The following ZNF565 variants were observed in gnomAD, a reference collection of about 807,000 sequenced individuals.
The protein encoded by ZNF565 is zinc finger protein 565.
ZNF565 carries 27 observed loss-of-function variants against 39.4 expected under a neutral mutation model. The observed-to-expected ratio is 0.69, with a 90% confidence interval of 0.51 to 0.95. The LOEUF (loss-of-function observed/expected upper bound fraction) is 0.95, where lower values mean the gene tolerates loss of function less well. ZNF565 is among the 40% of genes least tolerant of loss of function. The probability of loss-of-function intolerance (pLI) is 0.00; values close to 1 mark genes in which losing one functional copy is unlikely to be tolerated. For missense variants in ZNF565, 524 were observed against 621.1 expected, an observed-to-expected ratio of 0.84 and a Z score of 1.66; for synonymous variants, 185 against 216.6, an observed-to-expected ratio of 0.85 and a Z score of 1.28.
chr19:36,184,079 T>TAAAAAA lies in ZNF565; in HGVS notation c.233-352_233-347dup, dbSNP rs752744030. Among the ~76,000 whole-genome samples, 38 of 39,226 alleles carry TAAAAAA rather than the reference T, an allele frequency of 9.7e-4. 2 individuals are homozygous for TAAAAAA. Among genetic ancestry groups the TAAAAAA allele is most frequent in the Non-Finnish European group, 1.4e-3 (32 of 22,626 alleles). 25.7% of individuals were successfully genotyped at this position (39,226 alleles called of 152,430 possible). A position where few individuals can be genotyped will look rare whatever the true frequency, so the allele number is the denominator to read the frequency against. On this transcript the variant is annotated intron_variant, in intron 4 of 4. Transcript: ENST00000304116. ...GGCGACAGAGCAAGACTCTGTCTCA[T>TAAAAAA]AAAAAAAAAAAAAAAAAAAAAAAAC...
intron 1 of ZNF565, chr19:36,238,604 A>G (rs1977732491): frequency 6.0e-6 from 1 of 167,050 alleles, no homozygotes; most frequent in African/African-American, 2.4e-5. Flanking sequence ...GAGGATGGGA[A>G]TGCTGTATCT....
intron 1 of ZNF565, among the ~76,000 whole-genome samples, chr19:36,212,443 T>TC (rs1976395095): frequency 6.6e-6 from 1 of 151,214 alleles, no homozygotes; most frequent in Non-Finnish European, 1.5e-5. Context: ...GAAACCCCCC[T>TC]CCCCCCGTCT....
chr19:36,219,062 C>T (rs1286524840), upstream of ZNF565, among the ~76,000 whole-genome samples: 6 of 152,072 alleles, frequency 3.9e-5, no homozygotes, highest in African/African-American at 1.4e-4. Context: ...CCCACCTCGG[C>T]CTCCCAAAGT....
chr19:36,209,280 C>T (rs1976265696), intron 1 of ZNF565, among the ~76,000 whole-genome samples: 1 of 152,080 alleles, frequency 6.6e-6, no homozygotes, highest in Non-Finnish European at 1.5e-5. Context: ...CCTACAATCC[C>T]AGCACTTTGG....
rs988233825 is a variant in ZNF565, at chr19:36,245,272, G to T, written c.55+204C>A. Among the ~76,000 whole-genome samples the T allele has an allele frequency of 1.3e-5, 2 of 152,114 alleles. No homozygotes were observed. The highest frequency in any genetic ancestry group is 4.8e-5 in the African/African-American group (2 of 41,430). ...TTTCTCCCTCCCCTGAGACTCTAAC[G>T]CGTGCACCAACTCGCGCCTAGAGGG... is the stretch of plus-strand genomic sequence containing the variant. On this transcript the variant is annotated intron_variant, in intron 1 of 4. Transcript: ENST00000355114. This position sits in a 1 kb window ranked among gnomAD's most constrained non-coding sequence, Gnocchi z 4.4.
intron 1 of ZNF565, among the ~76,000 whole-genome samples, chr19:36,227,814 C>T (rs1034689125): frequency 2.0e-5 from 3 of 152,156 alleles, no homozygotes; most frequent in African/African-American, 4.8e-5. Context: ...TCCGGCCTCC[C>T]GAAGTGTTGG....
chr19:36,202,406 C>CAA (rs66471721), intron 1 of ZNF565, among the ~76,000 whole-genome samples: 5 of 101,690 alleles, frequency 4.9e-5, no homozygotes, highest in South Asian at 5.6e-4. Context: ...ACAACAACAA[C>CAA]AAAAAAAAAC....
At chr19:36,213,306 G>A in intron 1 of ZNF565, 1 of 152,426 alleles carries the variant, frequency 6.6e-6, no homozygotes, top group African/African-American at 2.4e-5. Context: ...GACCTCTCAA[G>A]CTCGAGATCC....
chr19:36,218,695 T>C (rs1976714369), upstream of ZNF565, among the ~76,000 whole-genome samples: 1 of 152,140 alleles, frequency 6.6e-6, no homozygotes, highest in Non-Finnish European at 1.5e-5. Flanking sequence ...GGTCTGGATC[T>C]CCTGACCTTG....
At chr19:36,207,868 G>A (rs1024822430) in intron 1 of ZNF565, among the ~76,000 whole-genome samples, 7 of 152,114 alleles carry the variant, frequency 4.6e-5, no homozygotes, top group African/African-American at 9.7e-5. Context: ...TAAAGGTGGC[G>A]GGCCTTCTTT....
chr19:36,202,746 T>C (rs1323171877), intron 1 of ZNF565, among the ~76,000 whole-genome samples: 2 of 152,034 alleles, frequency 1.3e-5, no homozygotes, highest in Non-Finnish European at 2.9e-5. Context: ...CTAAACGAAG[T>C]CTTCTAGCTT....
chr19:36,183,785 A>G (rs1975180764), intron 4 of ZNF565, 52 bp from the exon 5 acceptor site: 3 of 1,524,840 alleles, frequency 2.0e-6, no homozygotes, highest in Non-Finnish European at 2.6e-6. Context: ...TCTATGAGAA[A>G]TAAAAAATTC....
At chr19:36,190,844 T>G (rs1193114509) in intron 4 of ZNF565, among the ~76,000 whole-genome samples, 1 of 151,492 alleles carries the variant, frequency 6.6e-6, no homozygotes, top group Non-Finnish European at 1.5e-5. Flanking sequence ...ATACAAAAAT[T>G]AGCTGGGCGT....
At chr19:36,229,492 T>G (rs755390872) in intron 1 of ZNF565, among the ~76,000 whole-genome samples, 2 of 152,190 alleles carry the variant, frequency 1.3e-5, no homozygotes, top group Non-Finnish European at 2.9e-5. Flanking sequence ...TCTTAACTCT[T>G]GACTCTTAGT....
Position 36,233,154 on chromosome 19 carries a change from G to A in ZNF565, c.55+12322C>T, listed in dbSNP as rs558543105. On this transcript the variant is annotated intron_variant, in intron 1 of 4. Coordinates refer to the ZNF565 transcript ENST00000355114. ...GTGCCAGCACTTGGGAGGCAGATAC[G>A]GGCAGATCACCAGATGTCAGGAGTT... 1.4e-4 allele frequency among the ~76,000 whole-genome samples: 21 copies of A among 152,278 alleles called. No individual in the cohort carries two copies. The South Asian group carries it at 4.4e-3, about 32-fold the overall frequency.
intron 4 of ZNF565, among the ~76,000 whole-genome samples, chr19:36,188,722 AAAAAC>A (rs1343811173): frequency 2.0e-5 from 3 of 151,908 alleles, no homozygotes; most frequent in African/African-American, 4.8e-5. Context: ...AAAAAAAAAA[AAAAAC>A]AAAACAACAA....
At chr19:36,193,121 G>C (rs1313070956) in intron 4 of ZNF565, among the ~76,000 whole-genome samples, 1 of 151,948 alleles carries the variant, frequency 6.6e-6, no homozygotes, top group African/African-American at 2.4e-5. Flanking sequence ...TCAGCCTCCT[G>C]AGTAGCTGGG....
intron 1 of ZNF565, among the ~76,000 whole-genome samples, chr19:36,240,021 G>A (rs1384387249): frequency 6.6e-6 from 1 of 152,034 alleles, no homozygotes; most frequent in African/African-American, 2.4e-5. Context: ...AAATGAATCT[G>A]CCCTTTATAT....
Position 36,183,016 on chromosome 19 carries a change from C to A in ZNF565, c.950G>T (p.Arg317Ile). ...GTGTACAGTCAGCTGTGAGTGCTGT[C>A]TAAAGGCTTTCCCGCATTCTTTACA... ...YECKECGKAF[R>I]QHSQLTVHQR... The change falls in exon 5 of 5, where the codon AGA becomes ATA. Residue 317 changes from arginine (R) to isoleucine (I), a missense_variant. Coordinates refer to ENST00000304116, the MANE Select transcript of ZNF565 (RefSeq NM_152477.5). 6.2e-7 allele frequency: 1 copy of A among 1,614,168 alleles called. No homozygotes were observed. Among genetic ancestry groups the A allele is most frequent in the East Asian group, 2.2e-5 (1 of 44,888 alleles).
Sources: gnomAD v4.1 joint callset for allele counts (sites outside exome capture counted in the v4.1 genomes callset) on GRCh38, gnomAD v4.1.1 for gene constraint, Gnocchi (gnomAD v3.1) non-coding constraint, MANE v1.5 for transcripts, NCBI Gene and HGNC (gene_info 2026-07-23, HGNC 2026-07-21) for gene names.